SUGCT: variants seen among roughly 807,000 people sequenced by gnomAD.
The protein encoded by SUGCT is succinyl-CoA:glutarate-CoA transferase, also known as succinyl-CoA:glutarate CoA-transferase.
In SUGCT, 41 loss-of-function variants were observed where a neutral mutation model predicts 55.0. The ratio of observed to expected loss-of-function variants is 0.74; its 90% CI spans 0.58 to 0.97. The LOEUF is 0.97. SUGCT is among the 50% of genes least tolerant of loss of function. SUGCT has a pLI of 0.00. For synonymous variants in SUGCT, 187 were observed against 200.4 expected, an observed-to-expected ratio of 0.93 and a Z score of 0.56; for missense variants, 568 against 547.8, an observed-to-expected ratio of 1.04 and a Z score of -0.37.
At chr7:40,449,205 C>T (rs1301238227) in intron 9 of SUGCT, 82 bp from the exon 10 acceptor site, 3 of 879,372 alleles carry the variant, frequency 3.4e-6, no homozygotes, top group East Asian at 5.3e-5. Context: ...AACAAGCTTT[C>T]TATATAGATA....
chr7:40,661,677 T>C (rs758660774), intron 12 of SUGCT, among the ~76,000 whole-genome samples: 11 of 152,214 alleles, frequency 7.2e-5, no homozygotes, highest in Non-Finnish European at 1.5e-4. Flanking sequence ...ATCTATGTCT[T>C]GTCAGTGCCA....
At chr7:40,365,963 C>G (rs564277215) in intron 9 of SUGCT, among the ~76,000 whole-genome samples, 4 of 152,296 alleles carry the variant, frequency 2.6e-5, no homozygotes, top group Non-Finnish European at 4.4e-5. Flanking sequence ...CAAGTCAATC[C>G]TAAGCCAAAA....
intron 9 of SUGCT, among the ~76,000 whole-genome samples, chr7:40,339,659 C>A (rs1796935696): frequency 6.6e-6 from 1 of 152,168 alleles, no homozygotes; most frequent in Non-Finnish European, 1.5e-5. Context: ...CTTCGCTTGG[C>A]TAGGAAAGGG....
At chr7:40,275,262 ACTTT>A (rs1792388283) in intron 8 of SUGCT, among the ~76,000 whole-genome samples, 1 of 152,274 alleles carries the variant, frequency 6.6e-6, no homozygotes, top group South Asian at 2.1e-4. Context: ...TCTGTAACTT[ACTTT>A]GACTTGTTTC....
chr7:40,961,614 G>A, the SUGCT span, among the ~76,000 whole-genome samples: 1 of 152,182 alleles, frequency 6.6e-6, no homozygotes, highest in Non-Finnish European at 1.5e-5. Flanking sequence ...CTTCTGGTGG[G>A]TTCTTGGTCT....
At chr7:40,339,000 G>A (rs1482356773) in intron 9 of SUGCT, among the ~76,000 whole-genome samples, 2 of 152,214 alleles carry the variant, frequency 1.3e-5, no homozygotes, top group East Asian at 3.8e-4. Context: ...GTTGGAGTTT[G>A]CTAGAGGTCC....
rs1784779304 is a variant in SUGCT at position 40,173,546 on chromosome 7, T to C, written c.101-7401T>C. ...CAAATGCCTGGGGTTTATATCCCAT[T>C]GTCCCTTACCCTGTGCTTTCAGGTG... On this transcript the variant is annotated intron_variant, in intron 1 of 13. Transcript: ENST00000335693. Among the ~76,000 whole-genome samples, 4 of 152,204 alleles carry C rather than the reference T, an allele frequency of 2.6e-5. No homozygotes were observed. The South Asian group carries it at 8.3e-4, about 31-fold the overall frequency.
intron 9 of SUGCT, among the ~76,000 whole-genome samples, chr7:40,408,314 A>G (rs1325282649): frequency 6.6e-6 from 1 of 152,148 alleles, no homozygotes; most frequent in Non-Finnish European, 1.5e-5. Context: ...CCTAGTCCTT[A>G]TCATTTGAAC....
intron 12 of SUGCT, among the ~76,000 whole-genome samples, chr7:40,581,101 G>A (rs182287622): frequency 1.9e-4 from 29 of 152,128 alleles, no homozygotes; most frequent in Non-Finnish European, 3.2e-4. Context: ...TGTGTGCTTC[G>A]CTGTTTATTT....
At chr7:40,837,552 C>T (rs920090102) in intron 13 of SUGCT, among the ~76,000 whole-genome samples, 2 of 152,080 alleles carry the variant, frequency 1.3e-5, no homozygotes, top group African/African-American at 4.8e-5. Flanking sequence ...GCATTTTACA[C>T]TTTTAATTCT....
intron 13 of SUGCT, among the ~76,000 whole-genome samples, chr7:40,819,177 C>T (rs1208860604): frequency 1.3e-5 from 2 of 151,950 alleles, no homozygotes; most frequent in Non-Finnish European, 2.9e-5. Flanking sequence ...TGGGTTGGTT[C>T]CATTGGTCTT....
chr7:40,542,472 T>C (rs1198732374), intron 12 of SUGCT, among the ~76,000 whole-genome samples: 1 of 152,164 alleles, frequency 6.6e-6, no homozygotes, highest in Admixed American at 6.5e-5. Flanking sequence ...GTGGTTAAAG[T>C]AGTGAAAACT....
At chr7:40,769,694 C>T (rs774944589) in intron 13 of SUGCT, among the ~76,000 whole-genome samples, 27 of 152,182 alleles carry the variant, frequency 1.8e-4, no homozygotes, top group Non-Finnish European at 1.9e-4. Flanking sequence ...CCTAATGAAA[C>T]GCATTTCAAA....
At chr7:40,715,630 T>C (rs1354883979) in intron 12 of SUGCT, among the ~76,000 whole-genome samples, 1 of 152,122 alleles carries the variant, frequency 6.6e-6, no homozygotes, top group Non-Finnish European at 1.5e-5. Context: ...ATCCCAGACT[T>C]CTCCCTGTCT....
At chr7:40,961,665 T>C in the SUGCT span, among the ~76,000 whole-genome samples, 2 of 152,198 alleles carry the variant, frequency 1.3e-5, no homozygotes, top group Non-Finnish European at 1.5e-5. Context: ...TCGTGGTGAG[T>C]GTCACAGTTC....
At chr7:40,773,949 T>C (rs1789320338) in intron 13 of SUGCT, among the ~76,000 whole-genome samples, 1 of 152,200 alleles carries the variant, frequency 6.6e-6, no homozygotes, top group South Asian at 2.1e-4. Flanking sequence ...AAATACTTGT[T>C]GAATGGACAG....
At chr7:40,182,991 G>A (rs1434268097) in intron 3 of SUGCT, among the ~76,000 whole-genome samples, 1 of 152,214 alleles carries the variant, frequency 6.6e-6, no homozygotes, top group Non-Finnish European at 1.5e-5. Context: ...AACAACCTAA[G>A]GCTGGGCGTG....
intron 13 of SUGCT, among the ~76,000 whole-genome samples, chr7:40,852,742 C>T (rs1283525573): frequency 1.3e-5 from 2 of 151,984 alleles, no homozygotes; most frequent in African/African-American, 4.8e-5. Flanking sequence ...CTCCTCTGCA[C>T]GTCCCATTTA....
intron 8 of SUGCT, among the ~76,000 whole-genome samples, chr7:40,308,652 C>A (rs1461230392): frequency 6.6e-6 from 1 of 152,052 alleles, no homozygotes; most frequent in Non-Finnish European, 1.5e-5. Context: ...TCTTTCTGTT[C>A]TTCACTGTAT....
Sources: gnomAD v4.1 joint callset for allele counts (sites outside exome capture counted in the v4.1 genomes callset) on GRCh38, gnomAD v4.1.1 for gene constraint, MANE v1.5 for transcripts, NCBI Gene and HGNC (gene_info 2026-07-23, HGNC 2026-07-21) for gene names.